The following HECW1 variants were observed in gnomAD, a reference collection of about 807,000 sequenced individuals.
HECW1 encodes the protein E3 ubiquitin-protein ligase HECW1.
In HECW1, 61 loss-of-function variants were observed where a neutral mutation model predicts 182.3. That is an observed-to-expected ratio of 0.33 (90% confidence interval 0.27 to 0.41). HECW1 has a LOEUF of 0.41. HECW1 is among the 10% of genes least tolerant of loss of function. The probability of loss-of-function intolerance (pLI) is 1.00; values close to 1 mark genes in which losing one functional copy is unlikely to be tolerated. For missense variants in HECW1, 1,739 were observed against 2,108.9 expected (o/e 0.82, Z 3.44); for synonymous variants, 859 against 832.6 (o/e 1.03, Z -0.55).
At chr7:43,513,518 G>A (rs2152931865) in intron 24 of HECW1, among the ~76,000 whole-genome samples, 1 of 152,266 alleles carries the variant, frequency 6.6e-6, no homozygotes, top group Non-Finnish European at 1.5e-5. Flanking sequence ...GTATCCATTG[G>A]AATAGAGCCA....
intron 2 of HECW1, among the ~76,000 whole-genome samples, chr7:43,198,136 C>A (rs533624568): frequency 6.7e-6 from 1 of 149,694 alleles, no homozygotes; most frequent in Admixed American, 6.7e-5. Context: ...TAGTCACACA[C>A]CCCACACTCT....
At chr7:43,547,982 A>G (rs1288117277) in intron 26 of HECW1, among the ~76,000 whole-genome samples, 1 of 152,244 alleles carries the variant, frequency 6.6e-6, no homozygotes. Context: ...ATCGCAAAAA[A>G]CAGCAGGAGG....
At position 43,126,905 on chromosome 7, in the gene HECW1, G is replaced by T. The variant is rs551881277; in HGVS notation, c.-32+12514G>T. Among the ~76,000 whole-genome samples the T allele has an allele frequency of 2.0e-4, 30 of 152,250 alleles. No homozygotes were observed. The South Asian group carries it at 6.0e-3, about 31-fold the overall frequency. On this transcript the variant is annotated intron_variant, in intron 2 of 29. Coordinates refer to ENST00000395891, the MANE Select transcript of HECW1 (RefSeq NM_015052.5). ...AATCAATAACTGTGGTGTGTGTTCTGACTCTTCCACCCATTGGCCATGCCC... is the reference window on the plus strand; with the variant it reads ...AATCAATAACTGTGGTGTGTGTTCTTACTCTTCCACCCATTGGCCATGCCC...
chr7:43,389,802 G>A (rs527774513), intron 6 of HECW1, among the ~76,000 whole-genome samples: 1 of 151,998 alleles, frequency 6.6e-6, no homozygotes, highest in South Asian at 2.1e-4. Context: ...CACCATGCCT[G>A]ACTAAATTTT....
At chr7:43,492,001 T>G in intron 17 of HECW1, 74 bp from the exon 18 acceptor site, 1 of 1,085,538 alleles carries the variant, frequency 9.2e-7, no homozygotes, top group Non-Finnish European at 1.4e-6. Context: ...ACCCCTTAGG[T>G]TGAAAAACTG....
chr7:43,182,025 C>A (rs928532257), intron 2 of HECW1, among the ~76,000 whole-genome samples: 2 of 152,074 alleles, frequency 1.3e-5, no homozygotes, highest in Non-Finnish European at 2.9e-5. Context: ...ACCTCGTGAT[C>A]TACCTGCCTT....
At position 43,320,915 on chromosome 7, in the gene HECW1, G is replaced by T. The variant is rs1047302844; in HGVS notation, c.460+173G>T. 3.3e-5 allele frequency among the ~76,000 whole-genome samples: 5 copies of T among 152,186 alleles called. 1 individual carries two copies. The highest frequency in any genetic ancestry group is 3.3e-4 in the Admixed American group (5 of 15,286). On this transcript the variant is annotated intron_variant, in intron 5 of 29. Transcript: ENST00000395891. ...GTTCAGTAGTAAGTGGTGAGGTCTA[G>T]GGCAGTTGGATAAAAGCCAGCCAAC...
chr7:43,390,324 A>G (rs2074973167), intron 6 of HECW1, among the ~76,000 whole-genome samples: 2 of 152,036 alleles, frequency 1.3e-5, no homozygotes, highest in Admixed American at 6.6e-5. Flanking sequence ...GGATCACTGG[A>G]GCCCAGAAAT....
At chr7:43,180,367 GT>G (rs1328155177) in intron 2 of HECW1, among the ~76,000 whole-genome samples, 1 of 140,842 alleles carries the variant, frequency 7.1e-6, no homozygotes, top group Non-Finnish European at 1.6e-5. Flanking sequence ...TGCTTTCTAA[GT>G]TTTATTTTAT....
At chr7:43,137,675 G>C (rs549500144) in intron 2 of HECW1, among the ~76,000 whole-genome samples, 5 of 151,738 alleles carry the variant, frequency 3.3e-5, no homozygotes, top group African/African-American at 1.2e-4. Context: ...TCAGCCTCCC[G>C]AGTAGCTAGA....
intron 2 of HECW1, among the ~76,000 whole-genome samples, chr7:43,122,960 G>A (rs981604596): frequency 2.6e-5 from 4 of 152,032 alleles, no homozygotes; most frequent in Non-Finnish European, 2.9e-5. Flanking sequence ...AAAGCATTTC[G>A]GTTCTTTTGT....
At chr7:43,412,174 C>A (rs1263577016) in intron 8 of HECW1, among the ~76,000 whole-genome samples, 1 of 152,100 alleles carries the variant, frequency 6.6e-6, no homozygotes, top group Non-Finnish European at 1.5e-5. Context: ...TCATGATCTA[C>A]ATTGAGTTAA....
intron 17 of HECW1, among the ~76,000 whole-genome samples, chr7:43,482,465 G>C (rs528194161): frequency 6.6e-6 from 1 of 152,212 alleles, no homozygotes; most frequent in Non-Finnish European, 1.5e-5. Flanking sequence ...CTGCCTTAGA[G>C]AAGTTTGTAT....
At chr7:43,118,841 G>A (rs182146693) in intron 2 of HECW1, 2 of 152,174 alleles carry the variant, frequency 1.3e-5, no homozygotes, top group East Asian at 3.9e-4. Flanking sequence ...AGAGGATGAT[G>A]ATAAGGAAAT....
rs1408535755 is a variant in HECW1, at chr7:43,488,426, GAA to G, written c.3235-3647_3235-3646del. 4.6e-3 allele frequency among the ~76,000 whole-genome samples: 489 copies of G among 105,164 alleles called. 22 individuals carry two copies. Among genetic ancestry groups the G allele is most frequent in the Non-Finnish European group, 6.5e-3 (338 of 52,346 alleles). The allele number at this position is 105,164 out of a possible 152,430, so 69.0% of individuals were successfully genotyped here. On this transcript the variant is annotated intron_variant, in intron 17 of 29. Coordinates refer to ENST00000395891, the MANE Select transcript of HECW1 (RefSeq NM_015052.5). Reference sequence around the variant, plus strand: ...AATGAAAGAAAGAGAGAGAGAGAAAGAAAGAAAGAGAAAGAAAGAAAGAAAGA... The same window carrying G: ...AATGAAAGAAAGAGAGAGAGAGAAAGAGAAAGAGAAAGAAAGAAAGAAAGA...
rs151172324 is a variant in HECW1, at chr7:43,404,936, A to G, written c.632-2626A>G. ...GGTTGCAGTGAGCCAAGATTACACC[A>G]TTGCACTCCAGCCTGGGCAACAAGA... On this transcript the variant is annotated intron_variant, in intron 7 of 29. Transcript: ENST00000395891. 5.3e-3 allele frequency among the ~76,000 whole-genome samples: 800 copies of G among 152,122 alleles called. 10 individuals carry two copies. The highest frequency in any genetic ancestry group is 0.019 in the African/African-American group (774 of 41,470).
chr7:43,121,700 A>T (rs1049943282), intron 2 of HECW1: 1 of 152,236 alleles, frequency 6.6e-6, no homozygotes, highest in South Asian at 2.1e-4. Flanking sequence ...CTCCTAGCAG[A>T]GTCCATCACT....
intron 24 of HECW1, among the ~76,000 whole-genome samples, chr7:43,512,418 C>T (rs532926908): frequency 5.1e-4 from 78 of 152,116 alleles, no homozygotes; most frequent in Admixed American, 2.3e-3. Context: ...TTGGTTTTTT[C>T]CAAAAATAGA....
At position 43,445,312 on chromosome 7, in the gene HECW1, G is replaced by T; in HGVS notation, c.2140G>T (p.Ala714Ser). The T allele has an allele frequency of 1.2e-6, 2 of 1,611,890 alleles. No homozygotes were observed. Among genetic ancestry groups the T allele is most frequent in the Non-Finnish European group, 1.7e-6 (2 of 1,179,796 alleles). ...CTCCTGCTACAACGGCAACAGGTTC[G>T]CCAGCCACACGCGCTTCTCCTCCGT... ...SPSCYNGNRF[A>S]SHTRFSSVDS... The change falls in exon 11 of 30, where the codon GCC (alanine) becomes TCC (serine). Residue 714 changes from alanine (A) to serine (S), a missense_variant. By Grantham distance (99) the Ala-to-Ser change is moderately conservative. Transcript: ENST00000395891.
Sources: gnomAD v4.1 joint callset for allele counts (sites outside exome capture counted in the v4.1 genomes callset) on GRCh38, gnomAD v4.1.1 for gene constraint, MANE v1.5 for transcripts, NCBI Gene and HGNC (gene_info 2026-07-23, HGNC 2026-07-21) for gene names.